Variants in MAGI2 observed in about 807,000 individuals in gnomAD.
MAGI2 encodes membrane-associated guanylate kinase, WW and PDZ domain-containing protein 2.
A neutral mutation model predicts 133.3 loss-of-function variants in MAGI2; 35 were observed. The observed-to-expected ratio is 0.26, with a 90% CI of 0.20 to 0.35. MAGI2 has a LOEUF of 0.35. Ranked by LOEUF, MAGI2 falls within the 10% of genes least tolerant of loss-of-function variation. MAGI2 has a pLI of 1.00. For synonymous variants in MAGI2, 729 were observed against 710.6 expected (o/e 1.03, Z -0.41); for missense variants, 1,636 against 1,863.4 (o/e 0.88, Z 2.25).
At chr7:79,418,830 TACACACACACACACACACACAC>T (rs57172659) in intron 1 of MAGI2, among the ~76,000 whole-genome samples, 8 of 137,924 alleles carry the variant, frequency 5.8e-5, no homozygotes, top group African/African-American at 1.5e-4. Context: ...CCAATACACA[TACACACACACACACACACACAC>T]ACACACACAC....
At chr7:78,515,963 C>G (rs1266631500) in intron 4 of MAGI2, among the ~76,000 whole-genome samples, 1 of 152,082 alleles carries the variant, frequency 6.6e-6, no homozygotes, top group Non-Finnish European at 1.5e-5. Flanking sequence ...CAGACATGCA[C>G]ATTATGAAAA....
At chr7:79,199,375 G>A (rs577608016) in intron 1 of MAGI2, among the ~76,000 whole-genome samples, 81 of 152,018 alleles carry the variant, frequency 5.3e-4, no homozygotes, top group South Asian at 1.0e-3. Flanking sequence ...ATTGCTAAAC[G>A]TTTAAGAATT....
chr7:79,032,379 T>C (rs764170718), intron 1 of MAGI2, among the ~76,000 whole-genome samples: 3 of 151,822 alleles, frequency 2.0e-5, no homozygotes, highest in Non-Finnish European at 4.4e-5. Flanking sequence ...TTAGATGGGT[T>C]TGGTGGCAGG....
chr7:78,104,111 T>C (rs1818441861), intron 20 of MAGI2, among the ~76,000 whole-genome samples: 1 of 151,886 alleles, frequency 6.6e-6, no homozygotes, highest in Non-Finnish European at 1.5e-5. Flanking sequence ...CAAAACAAAG[T>C]GGCTGGCCAT....
At chr7:78,582,553 A>G (rs1012972682) in intron 3 of MAGI2, among the ~76,000 whole-genome samples, 1 of 152,206 alleles carries the variant, frequency 6.6e-6, no homozygotes, top group African/African-American at 2.4e-5. Flanking sequence ...AAAGGGAGAC[A>G]ATTCCAGTTA....
At chr7:79,073,533 A>T (rs1028368395) in intron 1 of MAGI2, among the ~76,000 whole-genome samples, 1 of 152,096 alleles carries the variant, frequency 6.6e-6, no homozygotes, top group African/African-American at 2.4e-5. Context: ...GAACCTGTCC[A>T]CTTCTGCCAA....
At chr7:78,026,286 C>G (rs1349479889) in intron 21 of MAGI2, among the ~76,000 whole-genome samples, 2 of 152,192 alleles carry the variant, frequency 1.3e-5, no homozygotes, top group African/African-American at 4.8e-5. Context: ...AAAATCTCAT[C>G]TACAGAAATT....
chr7:78,659,639 A>T (rs1812715545), intron 2 of MAGI2, among the ~76,000 whole-genome samples: 1 of 152,038 alleles, frequency 6.6e-6, no homozygotes, highest in Non-Finnish European at 1.5e-5. Flanking sequence ...AAAGGAGAGG[A>T]TGCAGGTGGT....
intron 18 of MAGI2, among the ~76,000 whole-genome samples, chr7:78,127,839 C>A (rs560546557): frequency 4.8e-4 from 73 of 152,298 alleles, no homozygotes; most frequent in African/African-American, 1.6e-3. Context: ...CTCACACACA[C>A]CCCTTGGCAG....
At chr7:78,793,547 T>G (rs6963596) in intron 2 of MAGI2, among the ~76,000 whole-genome samples, 6,655 of 152,220 alleles carry the variant, frequency 0.044, 426 homozygotes, top group African/African-American at 0.14. Flanking sequence ...ATACTCTGAC[T>G]GATAGATGGT....
At chr7:79,338,851 G>T (rs909388529) in intron 1 of MAGI2, among the ~76,000 whole-genome samples, 1 of 152,064 alleles carries the variant, frequency 6.6e-6, no homozygotes, top group East Asian at 1.9e-4. Flanking sequence ...CCTACGGGGG[G>T]TACTCCCACT....
chr7:79,288,040 A>G (rs1456055867), intron 1 of MAGI2, among the ~76,000 whole-genome samples: 2 of 152,156 alleles, frequency 1.3e-5, no homozygotes, highest in African/African-American at 4.8e-5. Flanking sequence ...TATCTCACCT[A>G]TATTTATCAA....
At chr7:79,171,743 A>AAT (rs34570751) in intron 1 of MAGI2, among the ~76,000 whole-genome samples, 23 of 29,580 alleles carry the variant, frequency 7.8e-4, no homozygotes, top group East Asian at 4.7e-3. Flanking sequence ...AATAGCCAAA[A>AAT]ATATATATAT....
chr7:78,209,050 G>A (rs560586007), intron 10 of MAGI2, among the ~76,000 whole-genome samples: 4 of 144,054 alleles, frequency 2.8e-5, no homozygotes, highest in East Asian at 4.3e-4. Context: ...GTGAAACCCT[G>A]TCTCTACTAA....
At chr7:78,594,372 G>T (rs770981131) in intron 3 of MAGI2, among the ~76,000 whole-genome samples, 66 of 152,192 alleles carry the variant, frequency 4.3e-4, no homozygotes, top group Non-Finnish European at 7.6e-4. Flanking sequence ...TTATACAAAG[G>T]CTGGAATGTA....
intron 1 of MAGI2, among the ~76,000 whole-genome samples, chr7:79,277,024 G>T (rs528647582): frequency 1.3e-5 from 2 of 152,072 alleles, no homozygotes; most frequent in African/African-American, 4.8e-5. Context: ...CAGTGCCAGG[G>T]TTTTAGAGGA....
chr7:78,125,328 A>G lies in MAGI2; in HGVS notation c.3567+366T>C, dbSNP rs534811066. The stretch of plus-strand genomic sequence containing the variant: ...GATTAATCAATATGGGGGAAAAAGC[A>G]CAAAACTAAAAATAAATTTCAAAAG... On this transcript the variant is annotated intron_variant, in intron 20 of 21. Transcript: ENST00000354212. Among the ~76,000 whole-genome samples, 7 of 152,352 alleles carry G rather than the reference A, an allele frequency of 4.6e-5. No homozygotes were observed. In the South Asian group the frequency reaches 1.4e-3, roughly 32 times the overall value.
rs537064324 is a variant in MAGI2, at chr7:78,141,650, A to C, written c.2846-6444T>G. On this transcript the variant is annotated intron_variant, in intron 16 of 21. Coordinates refer to ENST00000354212, the MANE Select transcript of MAGI2 (RefSeq NM_012301.4). Reference sequence around the variant, plus strand: ...AATTCATAGCCAACTGATATGCAAAACCCAAAATCAAACAGCTGGTGTTTT... The same window carrying C: ...AATTCATAGCCAACTGATATGCAAACCCCAAAATCAAACAGCTGGTGTTTT... Among the ~76,000 whole-genome samples, 504 of 152,286 alleles carry C rather than the reference A, an allele frequency of 3.3e-3. 5 individuals are homozygous for C. Among genetic ancestry groups the C allele is most frequent in the Non-Finnish European group, 5.9e-3 (401 of 68,016 alleles).
At chr7:78,333,763 G>C (rs780088745) in intron 9 of MAGI2, among the ~76,000 whole-genome samples, 1 of 152,174 alleles carries the variant, frequency 6.6e-6, no homozygotes, top group Non-Finnish European at 1.5e-5. Context: ...GCCGCCCTGC[G>C]CATGCTAGCC....
Sources: gnomAD v4.1 joint callset for allele counts (sites outside exome capture counted in the v4.1 genomes callset) on GRCh38, gnomAD v4.1.1 for gene constraint, MANE v1.5 for transcripts, NCBI Gene and HGNC (gene_info 2026-07-23, HGNC 2026-07-21) for gene names.